The following NADK2 variants were observed in gnomAD, a reference collection of about 807,000 sequenced individuals.
The protein encoded by NADK2 is NAD kinase domain-containing protein 1, mitochondrial.
In NADK2, 35 loss-of-function variants were observed where a neutral mutation model predicts 62.1. That is an observed-to-expected ratio of 0.56 (90% confidence interval 0.43 to 0.75). The LOEUF (loss-of-function observed/expected upper bound fraction) is 0.75. NADK2 is among the 30% of genes least tolerant of loss of function. The pLI is 0.00. For missense variants in NADK2, 439 were observed against 561.3 expected (o/e 0.78, Z 2.20); for synonymous variants, 205 against 207.9 (o/e 0.99, Z 0.12).
chr5:36,201,135 G>C lies in NADK2; in HGVS notation c.983C>G (p.Thr328Ser). The C allele has an allele frequency of 6.2e-7, 1 of 1,612,446 alleles. No homozygotes were observed. Residue 328 changes from threonine to serine, a missense_variant, in exon 9 of 12, where the codon ACT (threonine) becomes AGT (serine). Thr to Ser is a moderately conservative substitution (Grantham distance 58). Coordinates refer to ENST00000381937, the MANE Select transcript of NADK2 (RefSeq NM_001085411.3). ...AWSFNINRVATQAVEDVLNIA... is the reference protein window; with the variant it reads ...AWSFNINRVASQAVEDVLNIA... ...ATTTAAAACATCTTCTACAGCCTGA[G>C]TTGCAACCCTGTTAATATTGAATGA...
At position 36,227,477 on chromosome 5, in the gene NADK2, CG is replaced by C; in HGVS notation, c.388del (p.Arg130GlyfsTer9). The C allele has an allele frequency of 6.7e-7, 1 of 1,491,750 alleles. No individual in the cohort carries two copies. The highest frequency in any genetic ancestry group is 1.4e-5 in the South Asian group (1 of 73,702). 92.4% of individuals were successfully genotyped at this position (1,491,750 alleles called of 1,614,324 possible). ...KNVEHIIDSL[R>X]NEGIEVRLVK... Reference sequence around the variant, plus strand: ...CCAAGACCCAATCCCATAGACTTACCGTAAACTATCTATAATATGTTCTACA... The same window carrying C: ...CCAAGACCCAATCCCATAGACTTACCTAAACTATCTATAATATGTTCTACA... On this transcript the variant is annotated frameshift_variant and splice_region_variant, in exon 2 of 12. Transcript: ENST00000381937. LOFTEE classifies it high-confidence loss of function.
chr5:36,241,531 C>T lies in NADK2; in HGVS notation c.268G>A (p.Ala90Thr). The T allele has an allele frequency of 6.4e-7, 1 of 1,568,364 alleles. No individual in the cohort carries two copies. Among genetic ancestry groups the T allele is most frequent in the South Asian group, 1.1e-5 (1 of 87,418 alleles). Residue 90 changes from alanine to threonine, a missense_variant, in exon 1 of 12, where the codon GCG (alanine) becomes ACG (threonine). By Grantham distance (58) the Ala-to-Thr change is moderately conservative (BLOSUM62 0). Coordinates refer to ENST00000381937, the MANE Select transcript of NADK2 (RefSeq NM_001085411.3). This position sits in a 1 kb window ranked among gnomAD's most constrained non-coding sequence, Gnocchi z 4.9. ...YEFEQQRYRY[A>T]ELSEEDLKQL... ...TTCAGGTCCTCCTCCGAGAGCTCCG[C>T]GTAACGGTACCGCTGCTGCTCGAAC...
chr5:36,220,903 C>G (rs1288359613), intron 4 of NADK2, among the ~76,000 whole-genome samples: 1 of 152,190 alleles, frequency 6.6e-6, no homozygotes, highest in African/African-American at 2.4e-5. Context: ...CTCCACAGAG[C>G]TGCTTGTGAG....
rs1579629414 is a variant in NADK2 at position 36,226,383 on chromosome 5, G to A, written c.478+92C>T. 4 of 940,002 alleles carry A rather than the reference G, an allele frequency of 4.3e-6. No homozygotes were observed. The African/African-American group carries it at 6.5e-5, about 15-fold the overall frequency. 58.2% of individuals were successfully genotyped at this position (940,002 alleles called of 1,614,324 possible). ...ATGTGTTTAATGGTAAGACTCTGAAGGCTTCAATATAGCTAGACCCTAGGG... is the reference window on the plus strand; with the variant it reads ...ATGTGTTTAATGGTAAGACTCTGAAAGCTTCAATATAGCTAGACCCTAGGG... On this transcript the variant is annotated intron_variant, in intron 3 of 11. Transcript: ENST00000381937.
intron 3 of NADK2, 101 bp downstream of exon 3, chr5:36,226,374 G>T: frequency 1.2e-6 from 1 of 823,252 alleles, no homozygotes; most frequent in Non-Finnish European, 1.9e-6. Flanking sequence ...TTAATGGTAA[G>T]ACTCTGAAGG....
chr5:36,220,626 A>G lies in NADK2; in HGVS notation c.561-947T>C, dbSNP rs12054662. 0.012 allele frequency among the ~76,000 whole-genome samples: 1,850 copies of G among 152,364 alleles called. 155 individuals carry two copies. The East Asian group carries it at 0.21, about 17-fold the overall frequency. ...CCTAGGTTTTTAAATTTTTATATTC[A>G]TTGTAATAGTTCACACAATGTTAAG... On this transcript the variant is annotated intron_variant, in intron 4 of 11. Coordinates refer to ENST00000381937, the MANE Select transcript of NADK2 (RefSeq NM_001085411.3).
intron 1 of NADK2, among the ~76,000 whole-genome samples, chr5:36,227,812 T>C (rs1747538664): frequency 6.6e-6 from 1 of 151,934 alleles, no homozygotes; most frequent in Non-Finnish European, 1.5e-5. Flanking sequence ...CAAAATCTTA[T>C]GTTTTACAGC....
chr5:36,211,194 A>G (rs1746828737), intron 7 of NADK2, among the ~76,000 whole-genome samples: 1 of 152,194 alleles, frequency 6.6e-6, no homozygotes, highest in Non-Finnish European at 1.5e-5. Context: ...GGGAAGTGAT[A>G]AATGTCCATG....
At chr5:36,224,076 C>T (rs1045476075) in intron 4 of NADK2, among the ~76,000 whole-genome samples, 6 of 152,106 alleles carry the variant, frequency 3.9e-5, no homozygotes, top group Non-Finnish European at 8.8e-5. Context: ...AGTTGAACTA[C>T]TGAAGCAGCC....
intron 11 of NADK2, among the ~76,000 whole-genome samples, chr5:36,196,425 T>C (rs1746235606): frequency 6.6e-6 from 1 of 152,162 alleles, no homozygotes; most frequent in Admixed American, 6.6e-5. Context: ...CATGTGAATA[T>C]CACCTTTTGT....
At chr5:36,230,312 C>T (rs1311158258) in intron 1 of NADK2, among the ~76,000 whole-genome samples, 1 of 152,250 alleles carries the variant, frequency 6.6e-6, no homozygotes, top group Non-Finnish European at 1.5e-5. Context: ...CTCCACCTAA[C>T]TCTGACTCTT....
intron 8 of NADK2, among the ~76,000 whole-genome samples, chr5:36,204,028 T>C (rs1348432958): frequency 1.3e-5 from 2 of 152,138 alleles, no homozygotes; most frequent in South Asian, 4.1e-4. Flanking sequence ...TATATCCAGG[T>C]TCTGACTCTT....
intron 6 of NADK2, among the ~76,000 whole-genome samples, chr5:36,216,734 A>G (rs192501293): frequency 1.3e-5 from 2 of 152,122 alleles, no homozygotes; most frequent in Admixed American, 1.3e-4. Flanking sequence ...ATACCAATCT[A>G]TATCTTTTTA....
intron 1 of NADK2, among the ~76,000 whole-genome samples, chr5:36,239,316 T>A (rs182339855): frequency 6.6e-6 from 1 of 152,234 alleles, no homozygotes; most frequent in Non-Finnish European, 1.5e-5. Context: ...TAATCTCTCA[T>A]CTGGTCTACA....
intron 7 of NADK2, among the ~76,000 whole-genome samples, chr5:36,209,374 G>A (rs1382911472): frequency 6.6e-6 from 1 of 152,060 alleles, no homozygotes; most frequent in Non-Finnish European, 1.5e-5. Context: ...TAATTTTTTA[G>A]TAAGTACAAA....
intron 4 of NADK2, chr5:36,221,020 C>T (rs551042540): frequency 6.6e-6 from 1 of 152,374 alleles, no homozygotes; most frequent in East Asian, 1.9e-4. Context: ...TACACATTCT[C>T]ACATCATATT....
chr5:36,209,184 A>G (rs1341569651), intron 7 of NADK2, among the ~76,000 whole-genome samples: 1 of 152,174 alleles, frequency 6.6e-6, no homozygotes, highest in African/African-American at 2.4e-5. Context: ...TAGTAAAAAC[A>G]TAAGGTGAGA....
At chr5:36,199,593 A>G (rs959444421) in intron 10 of NADK2, among the ~76,000 whole-genome samples, 2 of 152,060 alleles carry the variant, frequency 1.3e-5, no homozygotes, top group Non-Finnish European at 2.9e-5. Flanking sequence ...AAAAATTTAA[A>G]TTGTTTTAAA....
rs1160977194 is a variant in NADK2 at position 36,227,569 on chromosome 5, T to C, written c.301-4A>G. ...AACTAGAGCCTTTCAATGCAAGCTA[T>C]ATCAAAACAAAAGAAACGTTGTTTT... On this transcript the variant is annotated splice_region_variant and splice_polypyrimidine_tract_variant and intron_variant, in intron 1 of 11. Transcript: ENST00000381937. 6.7e-7 allele frequency: 1 copy of C among 1,501,612 alleles called. No homozygotes were observed. Among genetic ancestry groups the C allele is most frequent in the Non-Finnish European group, 8.9e-7 (1 of 1,123,622 alleles). The allele number at this position is 1,501,612 out of a possible 1,614,324, so 93.0% of individuals were successfully genotyped here. A position where few individuals can be genotyped will look rare whatever the true frequency, so the allele number is the denominator to read the frequency against.
Sources: allele counts gnomAD v4.1 joint callset (sites outside exome capture counted in the v4.1 genomes callset), GRCh38; gene constraint gnomAD v4.1.1; non-coding constraint Gnocchi (gnomAD v3.1); transcripts MANE v1.5; gene names NCBI Gene and HGNC (gene_info 2026-07-23, HGNC 2026-07-21).